Variants in TTBK2 observed in about 807,000 individuals in gnomAD.
TTBK2 encodes tau-tubulin kinase 2.
A neutral mutation model predicts 110.8 loss-of-function variants in TTBK2; 28 were observed. The observed-to-expected ratio is 0.25, with a 90% CI of 0.19 to 0.35. TTBK2 has a LOEUF of 0.35. Among genes scored for constraint, TTBK2 ranks in the 10% least tolerant of loss-of-function variants. TTBK2 has a pLI of 1.00. For missense variants in TTBK2, 1,369 were observed against 1,500.3 expected, an observed-to-expected ratio of 0.91 and a Z score of 1.45; for synonymous variants, 532 against 527.3, an observed-to-expected ratio of 1.01 and a Z score of -0.12.
chr15:42,804,030 A>G (rs72713779), intron 9 of TTBK2, among the ~76,000 whole-genome samples: 4,223 of 125,914 alleles, frequency 0.034, 189 homozygotes, highest in African/African-American at 0.13. Flanking sequence ...AAAAAAAAAA[A>G]AGAGAGAGAT....
At chr15:42,754,383 T>A (rs1318574360) in intron 13 of TTBK2, among the ~76,000 whole-genome samples, 1 of 151,676 alleles carries the variant, frequency 6.6e-6, no homozygotes, top group Admixed American at 6.6e-5. Flanking sequence ...ACCTGGCCAA[T>A]TTTTTATTTT....
At chr15:42,864,942 C>A (rs1023650850) in intron 3 of TTBK2, among the ~76,000 whole-genome samples, 1 of 151,882 alleles carries the variant, frequency 6.6e-6, no homozygotes, top group Non-Finnish European at 1.5e-5. Flanking sequence ...TATATACATG[C>A]TTATGTATGC....
intron 13 of TTBK2, among the ~76,000 whole-genome samples, chr15:42,767,275 A>C (rs537955730): frequency 1.2e-4 from 19 of 152,188 alleles, no homozygotes; most frequent in Non-Finnish European, 2.2e-4. Flanking sequence ...GCAAGAACTG[A>C]AGGAGATAGA....
At chr15:42,876,149 A>G (rs1376342994) in intron 2 of TTBK2, among the ~76,000 whole-genome samples, 2 of 152,166 alleles carry the variant, frequency 1.3e-5, no homozygotes, top group African/African-American at 4.8e-5. Context: ...CCAAATTCCT[A>G]CGTCACAAAA....
Position 42,753,222 on chromosome 15 carries a change from G to GC in TTBK2, c.2023dup (p.Ala675GlyfsTer46). Reference sequence around the variant, plus strand: ...GCTTCCTGAAGTTGACTGTGTAGATGCCACAGAAGGTCTAGGAATTGTAAT... The same window carrying GC: ...GCTTCCTGAAGTTGACTGTGTAGATGCCCACAGAAGGTCTAGGAATTGTAAT... On this transcript the variant is annotated frameshift_variant, in exon 14 of 15. Transcript: ENST00000267890. LOFTEE classifies it high-confidence loss of function. The GC allele has an allele frequency of 6.2e-7, 1 of 1,613,304 alleles. No individual in the cohort carries two copies.
At position 42,741,533 on chromosome 15, in the gene TTBK2, T is replaced by A. The variant is rs572744496; in HGVS notation, c.*4262A>T. On this transcript the variant is annotated 3_prime_UTR_variant, in exon 15 of 15. Coordinates refer to ENST00000267890, the MANE Select transcript of TTBK2 (RefSeq NM_173500.4). Reference sequence around the variant, plus strand: ...AGTGACACAGGTGCTAAAGTACCTCTCCCCTGAGGCAAAGTCCCGACACAT... The same window carrying A: ...AGTGACACAGGTGCTAAAGTACCTCACCCCTGAGGCAAAGTCCCGACACAT... The A allele has an allele frequency of 5.3e-5, 8 of 152,136 alleles. No homozygotes were observed. The South Asian group carries it at 1.7e-3, about 32-fold the overall frequency. 9.4% of individuals were successfully genotyped at this position (152,136 alleles called of 1,614,324 possible).
chr15:42,806,299 A>G (rs1359885905), intron 9 of TTBK2, among the ~76,000 whole-genome samples: 1 of 152,178 alleles, frequency 6.6e-6, no homozygotes, highest in Non-Finnish European at 1.5e-5. Context: ...CTGATTTAAA[A>G]AAATTTATTT....
At chr15:42,883,981 A>G (rs1567077211) in intron 1 of TTBK2, among the ~76,000 whole-genome samples, 1 of 152,216 alleles carries the variant, frequency 6.6e-6, no homozygotes, top group Non-Finnish European at 1.5e-5. Context: ...ATCTATTATA[A>G]TATCTGACAG....
Position 42,739,400 on chromosome 15 carries a change from T to A in TTBK2, c.*6395A>T, listed in dbSNP as rs901080616. 6.6e-6 allele frequency: 1 copy of A among 152,258 alleles called. No individual in the cohort carries two copies. The highest frequency in any genetic ancestry group is 2.4e-5 in the African/African-American group (1 of 41,470). The allele number at this position is 152,258 out of a possible 1,614,324, so 9.4% of individuals were successfully genotyped here. On this transcript the variant is annotated 3_prime_UTR_variant, in exon 15 of 15. Transcript: ENST00000267890. ...TTAACAGCTGCCAATAGCTCATTACTTCTAAGATGTATATCTAATTCAAAA... is the reference window on the plus strand; with the variant it reads ...TTAACAGCTGCCAATAGCTCATTACATCTAAGATGTATATCTAATTCAAAA...
intron 3 of TTBK2, among the ~76,000 whole-genome samples, chr15:42,866,182 T>C (rs1480957571): frequency 6.6e-6 from 1 of 152,146 alleles, no homozygotes. Flanking sequence ...CTTGCACCTG[T>C]AACCCCAGCT....
chr15:42,902,570 T>C (rs1052651742), intron 1 of TTBK2, among the ~76,000 whole-genome samples: 3 of 152,010 alleles, frequency 2.0e-5, no homozygotes, highest in African/African-American at 7.2e-5. Flanking sequence ...CTTCCATTAA[T>C]ATGGCCATTA....
chr15:42,765,067 A>T (rs1185161362), intron 13 of TTBK2, among the ~76,000 whole-genome samples: 1 of 152,232 alleles, frequency 6.6e-6, no homozygotes, highest in African/African-American at 2.4e-5. Context: ...AAACTAACAA[A>T]CAGAAAGGAC....
At chr15:42,835,268 AC>A (rs1350789903) in intron 4 of TTBK2, among the ~76,000 whole-genome samples, 1 of 152,174 alleles carries the variant, frequency 6.6e-6, no homozygotes, top group East Asian at 1.9e-4. Context: ...ACCAATCTTA[AC>A]CTCACTGAAA....
chr15:42,845,024 C>T (rs988964477), intron 3 of TTBK2, among the ~76,000 whole-genome samples: 1 of 152,100 alleles, frequency 6.6e-6, no homozygotes, highest in South Asian at 2.1e-4. Flanking sequence ...TAATATTATA[C>T]ATAAACTGCT....
chr15:42,766,459 A>AAAAAAAAAAAAAAAAAAAAAAAAAC (rs1889381214), intron 13 of TTBK2, among the ~76,000 whole-genome samples: 2 of 144,810 alleles, frequency 1.4e-5, no homozygotes, highest in African/African-American at 2.7e-5. Context: ...AAAAAAAAAA[A>AAAAAAAAAAAAAAAAAAAAAAAAAC]AAAAAAAAGC....
chr15:42,815,497 A>G (rs1891900647), intron 7 of TTBK2, among the ~76,000 whole-genome samples: 2 of 152,078 alleles, frequency 1.3e-5, no homozygotes, highest in Admixed American at 6.5e-5. Context: ...AACTCCATGC[A>G]AAAAAGTTAA....
Position 42,815,945 on chromosome 15 carries a change from TATTTAAAAAAAAA to T in TTBK2, c.603+1074_603+1086del, listed in dbSNP as rs1200163724. On this transcript the variant is annotated intron_variant, in intron 7 of 14. Transcript: ENST00000267890. ...ATATATTTAAAAATATATATATATA[TATTTAAAAAAAAA>T]ATATATATATATATATATATTTGAG... Among the ~76,000 whole-genome samples, 39 of 23,492 alleles carry T rather than the reference TATTTAAAAAAAAA, an allele frequency of 1.7e-3. 1 individual carries two copies. Among genetic ancestry groups the T allele is most frequent in the African/African-American group, 7.0e-3 (36 of 5,174 alleles). 15.4% of individuals were successfully genotyped at this position (23,492 alleles called of 152,430 possible). A position where few individuals can be genotyped will look rare whatever the true frequency, so the allele number is the denominator to read the frequency against.
At chr15:42,874,412 G>T (rs776224538) in intron 2 of TTBK2, among the ~76,000 whole-genome samples, 1 of 151,856 alleles carries the variant, frequency 6.6e-6, no homozygotes, top group South Asian at 2.1e-4. Flanking sequence ...CGCCTCCTGG[G>T]TTCAAGCAAT....
At chr15:42,854,750 C>T (rs1278706015) in intron 3 of TTBK2, among the ~76,000 whole-genome samples, 2 of 151,938 alleles carry the variant, frequency 1.3e-5, no homozygotes, top group African/African-American at 2.4e-5. Flanking sequence ...CTATATGACA[C>T]GGTCTTGGGA....
Sources: gnomAD v4.1 joint callset for allele counts (sites outside exome capture counted in the v4.1 genomes callset) on GRCh38, gnomAD v4.1.1 for gene constraint, MANE v1.5 for transcripts, NCBI Gene and HGNC (gene_info 2026-07-23, HGNC 2026-07-21) for gene names.